Variants in SLC30A6 observed in about 807,000 individuals in gnomAD.
SLC30A6 encodes solute carrier family 30 member 6, also known as zinc transporter 6.
A neutral mutation model predicts 63.0 loss-of-function variants in SLC30A6; 55 were observed. That is an observed-to-expected ratio of 0.87 (90% CI 0.70 to 1.09). SLC30A6 has a LOEUF of 1.09. Among genes scored for constraint, SLC30A6 ranks in the 50% least tolerant of loss-of-function variants. The pLI, the probability that SLC30A6 is intolerant of heterozygous loss-of-function variation, is 0.00. For missense variants in SLC30A6, 587 were observed against 549.2 expected (o/e 1.07, Z -0.69); for synonymous variants, 224 against 186.1 (o/e 1.20, Z -1.66).
At chr2:32,204,044 C>A (rs779135907) in intron 10 of SLC30A6, 26 of 612,366 alleles carry the variant, frequency 4.2e-5, no homozygotes, top group Non-Finnish European at 6.7e-5. Flanking sequence ...CTATTTCTGC[C>A]TAATCATGTA....
chr2:32,166,636 C>A (rs924172238), intron 1 of SLC30A6, among the ~76,000 whole-genome samples: 1 of 152,140 alleles, frequency 6.6e-6, no homozygotes, highest in African/African-American at 2.4e-5. Context: ...GTCCAAGTGG[C>A]GTGTGCCTTT....
chr2:32,185,873 C>T (rs1682761052), intron 5 of SLC30A6, among the ~76,000 whole-genome samples: 1 of 151,380 alleles, frequency 6.6e-6, no homozygotes, highest in African/African-American at 2.4e-5. Flanking sequence ...GTGTGTGCCA[C>T]CACGCCTGGC....
At chr2:32,182,456 T>G (rs1350311011) in intron 4 of SLC30A6, among the ~76,000 whole-genome samples, 1 of 152,166 alleles carries the variant, frequency 6.6e-6, no homozygotes, top group Non-Finnish European at 1.5e-5. Flanking sequence ...CCAGGGCTCT[T>G]TTGATTGCAG....
intron 1 of SLC30A6, among the ~76,000 whole-genome samples, chr2:32,170,632 T>C (rs1272328906): frequency 6.6e-6 from 1 of 152,216 alleles, no homozygotes; most frequent in East Asian, 1.9e-4. Context: ...AGAGTCTCAC[T>C]CTGTCACCGA....
chr2:32,191,648 G>A (rs1297668977), intron 5 of SLC30A6, among the ~76,000 whole-genome samples: 1 of 152,138 alleles, frequency 6.6e-6, no homozygotes, highest in African/African-American at 2.4e-5. Context: ...GAGTGTTTGA[G>A]TTTGAAAACC....
intron 5 of SLC30A6, among the ~76,000 whole-genome samples, chr2:32,187,638 A>G (rs997180733): frequency 6.6e-6 from 1 of 152,214 alleles, no homozygotes; most frequent in African/African-American, 2.4e-5. Flanking sequence ...ATTTCAGACT[A>G]CCTTCTTGAC....
chr2:32,220,447 A>G lies in SLC30A6; in HGVS notation c.1120A>G (p.Thr374Ala). Residue 374 changes from threonine (T) to alanine (A), a missense_variant, in exon 14 of 14, where the codon ACA becomes GCA. Physicochemically the swap from Thr to Ala is moderately conservative, Grantham distance 58 (BLOSUM62 0). Transcript: ENST00000282587. ...LKGTDDLNPV[T>A]STPAKPSSPP... is the part of the protein sequence containing the mutation. ...GGGTACTGATGATTTGAACCCAGTT[A>G]CATCAACTCCAGCTAAACCTAGTAG... is the stretch of plus-strand genomic sequence containing the variant. 1.2e-6 allele frequency: 2 copies of G among 1,614,254 alleles called. No individual in the cohort carries two copies. Among genetic ancestry groups the G allele is most frequent in the Non-Finnish European group, 1.7e-6 (2 of 1,180,038 alleles).
chr2:32,185,532 A>G (rs1339685564), intron 5 of SLC30A6, among the ~76,000 whole-genome samples: 1 of 152,140 alleles, frequency 6.6e-6, no homozygotes, highest in African/African-American at 2.4e-5. Context: ...TCACTTTAGT[A>G]AAGAAACTTT....
At chr2:32,217,887 G>A (rs1313041780) in intron 13 of SLC30A6, among the ~76,000 whole-genome samples, 2 of 151,174 alleles carry the variant, frequency 1.3e-5, no homozygotes, top group Non-Finnish European at 2.9e-5. Context: ...TTGTCACCCA[G>A]GCTGGCGTGC....
chr2:32,215,234 G>T (rs1008465592), intron 13 of SLC30A6, among the ~76,000 whole-genome samples: 1 of 151,754 alleles, frequency 6.6e-6, no homozygotes, highest in Admixed American at 6.6e-5. Context: ...TGGCTCTGTT[G>T]CCCAGCCTGG....
intron 4 of SLC30A6, among the ~76,000 whole-genome samples, chr2:32,179,776 A>C (rs977989473): frequency 6.6e-6 from 1 of 152,194 alleles, no homozygotes; most frequent in Non-Finnish European, 1.5e-5. Flanking sequence ...CACTACACTC[A>C]TTCATTTGCT....
chr2:32,203,944 A>T (rs913546115), intron 10 of SLC30A6: 6 of 788,850 alleles, frequency 7.6e-6, no homozygotes, highest in African/African-American at 3.4e-5. Context: ...AGATGGTAGA[A>T]GATGAAGAGG....
chr2:32,216,129 C>T (rs1287419593), intron 13 of SLC30A6, among the ~76,000 whole-genome samples: 1 of 152,186 alleles, frequency 6.6e-6, no homozygotes, highest in Non-Finnish European at 1.5e-5. Flanking sequence ...TTTGAGAAAT[C>T]TTCAAACTGC....
chr2:32,218,520 CTTTTGTTTTGTTTTGTTTTGTTTTG>C lies in SLC30A6; in HGVS notation c.886-1661_886-1637del, dbSNP rs57425197. Among the ~76,000 whole-genome samples the C allele has an allele frequency of 1.7e-3, 239 of 143,212 alleles. 8 individuals are homozygous for C. The South Asian group carries it at 0.048, about 29-fold the overall frequency. The allele number at this position is 143,212 out of a possible 152,430, so 94.0% of individuals were successfully genotyped here. On this transcript the variant is annotated intron_variant, in intron 13 of 13. Transcript: ENST00000282587. ...ATTTTTGGCCTGGCTCAGCTCTCCTCTTTTGTTTTGTTTTGTTTTGTTTTGTTTTGTTTTGTTTTGTTTTGTTTTG... is the reference window on the plus strand; with the variant it reads ...ATTTTTGGCCTGGCTCAGCTCTCCTCTTTTGTTTTGTTTTGTTTTGTTTTG...
rs188612915 is a variant in SLC30A6, at chr2:32,220,132, A to G, written c.886-81A>G. The G allele has an allele frequency of 3.7e-4, 540 of 1,458,716 alleles. 7 individuals are homozygous for G. In the South Asian group the frequency reaches 4.6e-3, roughly 12 times the overall value. 90.4% of individuals were successfully genotyped at this position (1,458,716 alleles called of 1,614,324 possible). On this transcript the variant is annotated intron_variant, in intron 13 of 13. Transcript: ENST00000282587. ...GAAAATGCCAGGAACTTACCAAATC[A>G]TAAATAAAATGTTTTATCTAATGAA...
chr2:32,201,512 G>A, intron 10 of SLC30A6: 1 of 566,288 alleles, frequency 1.8e-6, no homozygotes, highest in South Asian at 2.8e-5. Flanking sequence ...CGGCTGAGTG[G>A]CTGCCCTGCC....
intron 10 of SLC30A6, chr2:32,203,003 T>A (rs1684427448): frequency 1.7e-6 from 2 of 1,158,346 alleles, no homozygotes; most frequent in Non-Finnish European, 2.6e-6. Flanking sequence ...CCCAGAGGAG[T>A]GTAACTGAAA....
At chr2:32,213,035 A>G (rs1685391580) in intron 13 of SLC30A6, among the ~76,000 whole-genome samples, 1 of 151,172 alleles carries the variant, frequency 6.6e-6, no homozygotes, top group Non-Finnish European at 1.5e-5. Context: ...CCTTCCCAGT[A>G]GCTGGGATTA....
chr2:32,217,675 C>G (rs953146784), intron 13 of SLC30A6, among the ~76,000 whole-genome samples: 1 of 152,098 alleles, frequency 6.6e-6, no homozygotes, highest in African/African-American at 2.4e-5. Flanking sequence ...TTTAATGATA[C>G]TGATCTTCCA....
Sources: gnomAD v4.1 joint callset for allele counts (sites outside exome capture counted in the v4.1 genomes callset) on GRCh38, gnomAD v4.1.1 for gene constraint, MANE v1.5 for transcripts, NCBI Gene and HGNC (gene_info 2026-07-23, HGNC 2026-07-21) for gene names.